GABRG3: variants seen among roughly 807,000 people sequenced by gnomAD.
GABRG3 encodes gamma-aminobutyric acid type A receptor subunit gamma3.
A neutral mutation model predicts 48.8 loss-of-function variants in GABRG3; 25 were observed. The observed-to-expected ratio is 0.51, with a 90% CI of 0.37 to 0.72. The LOEUF (loss-of-function observed/expected upper bound fraction) is 0.72, where lower values mean the gene tolerates loss of function less well. Among genes scored for constraint, GABRG3 ranks in the 30% least tolerant of loss-of-function variants. The pLI is 0.00. For synonymous variants in GABRG3, 227 were observed against 217.6 expected (o/e 1.04, Z -0.38); for missense variants, 394 against 577.9 (o/e 0.68, Z 3.26).
Position 27,180,647 on chromosome 15 carries a change from CTGTG to C in GABRG3, c.271-146156_271-146153del, listed in dbSNP as rs1183621278. 2.6e-5 allele frequency among the ~76,000 whole-genome samples: 4 copies of C among 151,772 alleles called. No individual in the cohort carries two copies. The highest frequency in any genetic ancestry group is 3.9e-4 in the East Asian group (2 of 5,128). On this transcript the variant is annotated intron_variant, in intron 3 of 9. Coordinates refer to ENST00000615808, the MANE Select transcript of GABRG3 (RefSeq NM_033223.5). The surrounding 1 kb of genome is among the most constrained non-coding windows in gnomAD (Gnocchi z 4.2). ...CACATTGTGCCATGTGTGTGTCTGTCTGTGTGTGTTTGTGTGTGCACGCGCGCGC... is the reference window on the plus strand; with the variant it reads ...CACATTGTGCCATGTGTGTGTCTGTCTGTGTTTGTGTGTGCACGCGCGCGC...
chr15:27,165,406 A>G (rs1887340504), intron 3 of GABRG3, among the ~76,000 whole-genome samples: 1 of 152,214 alleles, frequency 6.6e-6, no homozygotes, highest in East Asian at 1.9e-4. Context: ...GAAATGCTGG[A>G]AAATTCTGTG....
At position 27,429,023 on chromosome 15, in the gene GABRG3, A is replaced by G. The variant is rs565429743; in HGVS notation, c.575-51627A>G. Among the ~76,000 whole-genome samples the G allele has an allele frequency of 1.6e-4, 25 of 152,348 alleles. No homozygotes were observed. The East Asian group carries it at 3.3e-3, about 20-fold the overall frequency. On this transcript the variant is annotated intron_variant, in intron 5 of 9. Coordinates refer to ENST00000615808, the MANE Select transcript of GABRG3 (RefSeq NM_033223.5). ...TACTGATGAATATATTTTAAAAGAT[A>G]TAGTTTTATACATATAGATAAGGTT...
chr15:27,417,365 G>A (rs1027487416), intron 5 of GABRG3, among the ~76,000 whole-genome samples: 10 of 152,198 alleles, frequency 6.6e-5, no homozygotes, highest in African/African-American at 2.4e-4. Flanking sequence ...TCTGGCCTAT[G>A]TATTTTCGAT....
intron 3 of GABRG3, among the ~76,000 whole-genome samples, chr15:27,247,956 CAG>C (rs1431518452): frequency 6.6e-6 from 1 of 152,180 alleles, no homozygotes; most frequent in Admixed American, 6.5e-5. Context: ...GGTGGGGACA[CAG>C]AGCCAAACCA....
intron 5 of GABRG3, chr15:27,365,336 C>CAT (rs1223592537): frequency 7.0e-6 from 1 of 143,876 alleles, no homozygotes. Flanking sequence ...CACACACACA[C>CAT]ACATATTAAC....
chr15:27,487,803 G>T (rs1023259435), intron 6 of GABRG3, among the ~76,000 whole-genome samples: 1 of 152,148 alleles, frequency 6.6e-6, no homozygotes, highest in African/African-American at 2.4e-5. Context: ...TTATTGTTGA[G>T]ATTTAGGGCT....
chr15:27,376,042 G>A (rs1463512571), intron 5 of GABRG3, among the ~76,000 whole-genome samples: 3 of 152,196 alleles, frequency 2.0e-5, no homozygotes, highest in Admixed American at 1.3e-4. Flanking sequence ...CAGGCATTGG[G>A]TAAATACAGC....
At chr15:27,109,837 G>A (rs1157246704) in intron 3 of GABRG3, among the ~76,000 whole-genome samples, 8 of 151,964 alleles carry the variant, frequency 5.3e-5, no homozygotes, top group East Asian at 1.9e-4. Context: ...AGTGGAGATC[G>A]CGCCACTGCA....
intron 3 of GABRG3, among the ~76,000 whole-genome samples, chr15:27,187,521 G>A (rs1010907046): frequency 2.0e-5 from 3 of 151,954 alleles, no homozygotes; most frequent in Non-Finnish European, 4.4e-5. Context: ...TAATGATACT[G>A]ACTTTTCCAA....
At chr15:27,110,151 A>C (rs1225284023) in intron 3 of GABRG3, among the ~76,000 whole-genome samples, 1 of 150,770 alleles carries the variant, frequency 6.6e-6, no homozygotes, top group Non-Finnish European at 1.5e-5. Flanking sequence ...ATATGATTTC[A>C]TTTATCTTTT....
intron 5 of GABRG3, among the ~76,000 whole-genome samples, chr15:27,373,828 G>A (rs1192343748): frequency 6.6e-6 from 1 of 152,016 alleles, no homozygotes; most frequent in Non-Finnish European, 1.5e-5. Context: ...CACCAATAAA[G>A]GAGAATCCTC....
intron 5 of GABRG3, among the ~76,000 whole-genome samples, chr15:27,355,141 C>T (rs899044523): frequency 3.3e-5 from 5 of 152,176 alleles, no homozygotes; most frequent in Admixed American, 1.3e-4. Context: ...ATCTCTTAGA[C>T]TGTTCATGTC....
intron 3 of GABRG3, among the ~76,000 whole-genome samples, chr15:27,224,188 C>T (rs992737728): frequency 5.9e-5 from 9 of 152,182 alleles, no homozygotes; most frequent in South Asian, 2.1e-4. Context: ...TTGGGGGTGC[C>T]GCATGTTTTC....
chr15:27,291,310 G>T (rs1414130512), intron 3 of GABRG3, among the ~76,000 whole-genome samples: 1 of 152,154 alleles, frequency 6.6e-6, no homozygotes, highest in Admixed American at 6.5e-5. Flanking sequence ...GGCTTTCTAT[G>T]TAACTTTAGA....
At chr15:27,178,378 T>G (rs758318650) in intron 3 of GABRG3, among the ~76,000 whole-genome samples, 4 of 152,170 alleles carry the variant, frequency 2.6e-5, no homozygotes, top group Non-Finnish European at 5.9e-5. Context: ...AAAGATTAGC[T>G]TAAACAAATC....
At chr15:27,266,465 C>T (rs2140470553) in intron 3 of GABRG3, among the ~76,000 whole-genome samples, 1 of 152,276 alleles carries the variant, frequency 6.6e-6, no homozygotes, top group Admixed American at 6.5e-5. Flanking sequence ...ACCTTGAAAT[C>T]AGATTTTGAT....
At chr15:27,467,694 A>C (rs946993347) in intron 5 of GABRG3, among the ~76,000 whole-genome samples, 19 of 152,232 alleles carry the variant, frequency 1.2e-4, no homozygotes, top group African/African-American at 4.6e-4. Context: ...CTCATGTGCC[A>C]GTTATTCCAC....
At chr15:27,050,106 C>T (rs1046885588) in intron 3 of GABRG3, among the ~76,000 whole-genome samples, 3 of 152,178 alleles carry the variant, frequency 2.0e-5, no homozygotes, top group Admixed American at 1.3e-4. Flanking sequence ...TCTGGTACAT[C>T]CCGTTCTGAT....
intron 3 of GABRG3, among the ~76,000 whole-genome samples, chr15:27,276,053 G>T (rs1476272186): frequency 6.6e-6 from 1 of 152,180 alleles, no homozygotes; most frequent in Admixed American, 6.5e-5. Context: ...ATAAGAACCC[G>T]CAAATGAGAA....
Sources: allele counts gnomAD v4.1 joint callset (sites outside exome capture counted in the v4.1 genomes callset), GRCh38; gene constraint gnomAD v4.1.1; non-coding constraint Gnocchi (gnomAD v3.1); transcripts MANE v1.5; gene names NCBI Gene and HGNC (gene_info 2026-07-23, HGNC 2026-07-21).